AGAP1: variants seen among roughly 807,000 people sequenced by gnomAD.
The protein encoded by AGAP1 is arf-GAP with GTPase, ANK repeat and PH domain-containing protein 1.
AGAP1 carries 29 observed loss-of-function variants against 105.3 expected under a neutral mutation model. The observed-to-expected ratio is 0.28, with a 90% CI of 0.21 to 0.38. The LOEUF (loss-of-function observed/expected upper bound fraction) is 0.38, where lower values mean the gene tolerates loss of function less well. AGAP1 is among the 10% of genes least tolerant of loss of function. The probability of loss-of-function intolerance (pLI) is 1.00; values close to 1 mark genes in which losing one functional copy is unlikely to be tolerated. For synonymous variants in AGAP1, 509 were observed against 485.9 expected (o/e 1.05, Z -0.63); for missense variants, 998 against 1,165.1 (o/e 0.86, Z 2.09).
intron 1 of AGAP1, among the ~76,000 whole-genome samples, chr2:235,564,724 C>T (rs775615670): frequency 1.4e-5 from 2 of 144,062 alleles, no homozygotes; most frequent in East Asian, 2.2e-4. Context: ...CCACCCAGGG[C>T]CAGGTGTGAG....
At chr2:235,783,267 C>T (rs1166541863) in intron 6 of AGAP1, 1 of 446,524 alleles carries the variant, frequency 2.2e-6, no homozygotes, top group Admixed American at 2.7e-5. Context: ...GAATTTATGG[C>T]CTGAAGAGTC....
At chr2:236,067,436 C>T (rs953587594) in intron 16 of AGAP1, among the ~76,000 whole-genome samples, 26 of 152,070 alleles carry the variant, frequency 1.7e-4, no homozygotes, top group African/African-American at 6.3e-4. Context: ...TCAGAAACAT[C>T]GTTAAAAATT....
intron 6 of AGAP1, among the ~76,000 whole-genome samples, chr2:235,762,956 G>T (rs1158793690): frequency 6.6e-6 from 1 of 152,032 alleles, no homozygotes; most frequent in African/African-American, 2.4e-5. Context: ...GAAGAAAGAT[G>T]ATTTTTAAAG....
intron 6 of AGAP1, among the ~76,000 whole-genome samples, chr2:235,773,227 T>C (rs1358258966): frequency 6.6e-6 from 1 of 152,178 alleles, no homozygotes; most frequent in East Asian, 1.9e-4. Context: ...CCATTTGGTG[T>C]ACACCCCATG....
intron 5 of AGAP1, among the ~76,000 whole-genome samples, chr2:235,748,215 T>A (rs987501953): frequency 2.0e-5 from 3 of 152,192 alleles, no homozygotes; most frequent in Non-Finnish European, 2.9e-5. Flanking sequence ...GAGATTCCCG[T>A]GGTGCACCTT....
At chr2:235,507,544 AC>A (rs1017217743) in intron 1 of AGAP1, 14 of 152,152 alleles carry the variant, frequency 9.2e-5, no homozygotes, top group African/African-American at 3.4e-4. Flanking sequence ...CCTTCCCCTC[AC>A]TGAATAAAAT....
intron 1 of AGAP1, among the ~76,000 whole-genome samples, chr2:235,522,147 G>C (rs1045176493): frequency 6.6e-6 from 1 of 152,172 alleles, no homozygotes; most frequent in African/African-American, 2.4e-5. Context: ...GGGGTGATGA[G>C]GCTTCCTGGC....
rs2057466181 is a variant in AGAP1, at chr2:236,038,991, G to A, written c.1801-1760G>A. ...TGATTAATACATTATAATTTATTAT[G>A]TAGCAAGTAATATATTATTTCACAT... On this transcript the variant is annotated intron_variant, in intron 14 of 17. Transcript: ENST00000304032. The surrounding 1 kb of genome is among the most constrained non-coding windows in gnomAD (Gnocchi z 4.5). Among the ~76,000 whole-genome samples, 1 of 152,156 alleles carries A rather than the reference G, an allele frequency of 6.6e-6. No homozygotes were observed. The highest frequency in any genetic ancestry group is 1.5e-5 in the Non-Finnish European group (1 of 68,028).
rs2060053735 is a variant in AGAP1 at position 236,129,448 on chromosome 2, TAAGA to T, written c.*5329_*5332del. On this transcript the variant is annotated 3_prime_UTR_variant, in exon 18 of 18. Coordinates refer to ENST00000304032, the MANE Select transcript of AGAP1 (RefSeq NM_001037131.3). The surrounding 1 kb of genome is among the most constrained non-coding windows in gnomAD (Gnocchi z 6.2). ...AGAGTACACCTTGGAGCTGGATCAC[TAAGA>T]AACAGTCCTCAGACTGGTCCTTCCG... The T allele has an allele frequency of 6.6e-6, 1 of 152,220 alleles. No individual in the cohort carries two copies. The highest frequency in any genetic ancestry group is 1.5e-5 in the Non-Finnish European group (1 of 68,044). 9.4% of individuals were successfully genotyped at this position (152,220 alleles called of 1,614,324 possible). A position where few individuals can be genotyped will look rare whatever the true frequency, so the allele number is the denominator to read the frequency against.
chr2:235,759,425 T>A (rs909135031), intron 6 of AGAP1, among the ~76,000 whole-genome samples: 2 of 152,184 alleles, frequency 1.3e-5, no homozygotes, highest in African/African-American at 4.8e-5. Context: ...CGCCTTGGCC[T>A]CCCAAAGTGC....
chr2:235,911,948 C>T (rs1175362153), intron 11 of AGAP1, among the ~76,000 whole-genome samples: 3 of 152,202 alleles, frequency 2.0e-5, no homozygotes, highest in South Asian at 2.1e-4. Flanking sequence ...AAGTGCCTCA[C>T]GGCCACAGCA....
At position 236,027,106 on chromosome 2, in the gene AGAP1, G is replaced by A. The variant is rs1253582840; in HGVS notation, c.1646-9455G>A. On this transcript the variant is annotated intron_variant, in intron 13 of 17. Coordinates refer to ENST00000304032, the MANE Select transcript of AGAP1 (RefSeq NM_001037131.3). This position sits in a 1 kb window ranked among gnomAD's most constrained non-coding sequence, Gnocchi z 4.4. The stretch of plus-strand genomic sequence containing the variant: ...TTATGGATAAACAGATTTCTTCCTG[G>A]AAGTTGTAACATGACTATGCAGTTG... Among the ~76,000 whole-genome samples, 1 of 152,120 alleles carries A rather than the reference G, an allele frequency of 6.6e-6. No homozygotes were observed. The highest frequency in any genetic ancestry group is 1.9e-4 in the East Asian group (1 of 5,190).
chr2:235,963,959 C>T lies in AGAP1; in HGVS notation c.1484-4503C>T, dbSNP rs2125324452. 6.6e-6 allele frequency among the ~76,000 whole-genome samples: 1 copy of T among 152,156 alleles called. No individual in the cohort carries two copies. Among genetic ancestry groups the T allele is most frequent in the East Asian group, 1.9e-4 (1 of 5,172 alleles). ...TAGCGGTGTACACTCATAAAAACAACCGCTGGATAACGGAAGAGAGTTTAT... is the reference window on the plus strand; with the variant it reads ...TAGCGGTGTACACTCATAAAAACAATCGCTGGATAACGGAAGAGAGTTTAT... On this transcript the variant is annotated intron_variant, in intron 12 of 17. Transcript: ENST00000304032. This position sits in a 1 kb window ranked among gnomAD's most constrained non-coding sequence, Gnocchi z 5.1.
chr2:235,627,459 A>G (rs907243242), intron 1 of AGAP1, among the ~76,000 whole-genome samples: 2 of 152,118 alleles, frequency 1.3e-5, no homozygotes, highest in Non-Finnish European at 2.9e-5. Context: ...TCCTGATCTC[A>G]AGTGATCCGT....
In AGAP1 at chr2:236,120,168, C is replaced by T. The variant is rs2059865964; in HGVS notation, c.2115-24C>T. ...GTGTTCTCGGGCCTGATCGTGACTGCACCTGTCTGGTGGCTCTTTGCAGGG... is the reference window on the plus strand; with the variant it reads ...GTGTTCTCGGGCCTGATCGTGACTGTACCTGTCTGGTGGCTCTTTGCAGGG... On this transcript the variant is annotated intron_variant, in intron 16 of 17. Transcript: ENST00000304032. The surrounding 1 kb of genome is among the most constrained non-coding windows in gnomAD (Gnocchi z 6.0). 4.4e-6 allele frequency: 7 copies of T among 1,596,648 alleles called. No individual in the cohort carries two copies. Among genetic ancestry groups the T allele is most frequent in the Non-Finnish European group, 6.0e-6 (7 of 1,170,162 alleles).
chr2:236,084,180 C>A (rs1252108272), intron 16 of AGAP1, among the ~76,000 whole-genome samples: 1 of 150,930 alleles, frequency 6.6e-6, no homozygotes, highest in Non-Finnish European at 1.5e-5. Context: ...CGGTGGGGAA[C>A]AGCTGTAATG....
chr2:236,038,572 G>A lies in AGAP1; in HGVS notation c.1800+1857G>A, dbSNP rs1405369526. 2.6e-5 allele frequency among the ~76,000 whole-genome samples: 4 copies of A among 152,190 alleles called. No individual in the cohort carries two copies. The highest frequency in any genetic ancestry group is 4.8e-5 in the African/African-American group (2 of 41,442). ...ACGCGTTGAGCAACCAAAGGTGGCC[G>A]ACTCAGAGCTGGTCATCGTGGGCAT... On this transcript the variant is annotated intron_variant, in intron 14 of 17. Transcript: ENST00000304032. This position sits in a 1 kb window ranked among gnomAD's most constrained non-coding sequence, Gnocchi z 4.5.
At chr2:235,687,107 T>G (rs1949491631) in intron 1 of AGAP1, among the ~76,000 whole-genome samples, 1 of 152,208 alleles carries the variant, frequency 6.6e-6, no homozygotes, top group South Asian at 2.1e-4. Flanking sequence ...GCTGATAACA[T>G]TCTCACTTGG....
chr2:235,938,203 C>T (rs957743671), intron 12 of AGAP1, among the ~76,000 whole-genome samples: 3 of 152,216 alleles, frequency 2.0e-5, no homozygotes, highest in Non-Finnish European at 2.9e-5. Context: ...AGTGCCAGAG[C>T]CTTCCCTGCT....
Sources: allele counts gnomAD v4.1 joint callset (sites outside exome capture counted in the v4.1 genomes callset), GRCh38; gene constraint gnomAD v4.1.1; non-coding constraint Gnocchi (gnomAD v3.1); transcripts MANE v1.5; gene names NCBI Gene and HGNC (gene_info 2026-07-23, HGNC 2026-07-21).